SPAG16: variants seen among roughly 807,000 people sequenced by gnomAD.
SPAG16 encodes the protein sperm-associated antigen 16 protein.
SPAG16 carries 86 observed loss-of-function variants against 80.4 expected under a neutral mutation model. The observed-to-expected ratio is 1.07, with a 90% CI of 0.90 to 1.28. SPAG16 has a LOEUF of 1.28. Among genes scored for constraint, SPAG16 ranks in the 50% most tolerant of loss-of-function variants. The pLI, the probability that SPAG16 is intolerant of heterozygous loss-of-function variation, is 0.00. For missense variants in SPAG16, 870 were observed against 765.3 expected (o/e 1.14, Z -1.61); for synonymous variants, 294 against 265.9 (o/e 1.11, Z -1.03).
chr2:213,682,527 C>T (rs2064446782), intron 10 of SPAG16, among the ~76,000 whole-genome samples: 1 of 152,188 alleles, frequency 6.6e-6, no homozygotes, highest in Non-Finnish European at 1.5e-5. Context: ...CAATTTTGGT[C>T]AGGAGCATTC....
At chr2:214,171,977 CT>C (rs1439679395) in intron 15 of SPAG16, among the ~76,000 whole-genome samples, 1 of 151,818 alleles carries the variant, frequency 6.6e-6, no homozygotes, top group African/African-American at 2.4e-5. Flanking sequence ...TACGTAATTA[CT>C]TTTCTGAGAC....
chr2:213,632,361 G>GT lies in SPAG16; in HGVS notation c.1070+142275dup, dbSNP rs548220729. Among the ~76,000 whole-genome samples, 26 of 152,040 alleles carry GT rather than the reference G, an allele frequency of 1.7e-4. No homozygotes were observed. In the East Asian group the frequency reaches 3.7e-3, roughly 21 times the overall value. The stretch of plus-strand genomic sequence containing the variant: ...TTTACTGAATTTATCAGTTCTAATA[G>GT]TTTTCTTGTGGAATCTTTAGGTTTT... On this transcript the variant is annotated intron_variant, in intron 10 of 15. Transcript: ENST00000331683.
intron 10 of SPAG16, among the ~76,000 whole-genome samples, chr2:213,630,242 G>A (rs898429572): frequency 2.0e-5 from 3 of 152,106 alleles, no homozygotes; most frequent in Admixed American, 1.3e-4. Context: ...AAATTAGCTG[G>A]GCATGGTGGC....
rs1438576346 is a variant in SPAG16 at position 214,305,336 on chromosome 2, T to G, written c.1721-104804T>G. Reference sequence around the variant, plus strand: ...TCTGTAGGTTTTCTGTTATCTTTGTTGATAATTTTCTTTTGCTGTGCAGAA... The same window carrying G: ...TCTGTAGGTTTTCTGTTATCTTTGTGGATAATTTTCTTTTGCTGTGCAGAA... On this transcript the variant is annotated intron_variant, in intron 15 of 15. Transcript: ENST00000331683. Among the ~76,000 whole-genome samples the G allele has an allele frequency of 2.0e-5, 3 of 152,170 alleles. No individual in the cohort carries two copies. In the East Asian group the frequency reaches 5.8e-4, roughly 29 times the overall value.
At chr2:213,508,583 G>GA (rs61040316) in intron 10 of SPAG16, among the ~76,000 whole-genome samples, 293 of 145,194 alleles carry the variant, frequency 2.0e-3, no homozygotes, top group Middle Eastern at 0.014. Context: ...CGTCTCAAAA[G>GA]AAAAAAAAAA....
intron 15 of SPAG16, among the ~76,000 whole-genome samples, chr2:214,265,849 T>C (rs1050653697): frequency 1.1e-4 from 16 of 151,990 alleles, no homozygotes; most frequent in African/African-American, 3.9e-4. Context: ...AAGGGGCCTT[T>C]CCTAATCATC....
At chr2:213,535,366 G>T (rs769291404) in intron 10 of SPAG16, among the ~76,000 whole-genome samples, 1 of 151,996 alleles carries the variant, frequency 6.6e-6, no homozygotes, top group Non-Finnish European at 1.5e-5. Context: ...GAAAGCTTAA[G>T]CAAGTGTAGT....
intron 12 of SPAG16, among the ~76,000 whole-genome samples, chr2:213,972,829 T>A (rs1391986806): frequency 6.6e-6 from 1 of 152,198 alleles, no homozygotes; most frequent in Non-Finnish European, 1.5e-5. Context: ...CTTTTTCCCT[T>A]ATCAGGTATA....
chr2:214,103,771 TC>T (rs1451688336), intron 13 of SPAG16, among the ~76,000 whole-genome samples: 1 of 152,126 alleles, frequency 6.6e-6, no homozygotes, highest in African/African-American at 2.4e-5. Context: ...CTGTTTATTT[TC>T]TATTCCTCAA....
intron 9 of SPAG16, among the ~76,000 whole-genome samples, chr2:213,462,203 T>C (rs2072412150): frequency 6.6e-6 from 1 of 152,176 alleles, no homozygotes; most frequent in South Asian, 2.1e-4. Flanking sequence ...GCTTGACTTT[T>C]GGAGTGAAAA....
At chr2:213,318,836 T>G (rs2063507946) in intron 5 of SPAG16, among the ~76,000 whole-genome samples, 1 of 151,914 alleles carries the variant, frequency 6.6e-6, no homozygotes, top group African/African-American at 2.4e-5. Flanking sequence ...AGTACATTAT[T>G]AATATATTTT....
At chr2:213,400,250 G>A (rs2068242154) in intron 9 of SPAG16, among the ~76,000 whole-genome samples, 2 of 151,880 alleles carry the variant, frequency 1.3e-5, no homozygotes, top group Non-Finnish European at 2.9e-5. Flanking sequence ...ACTCATTAAT[G>A]GTTGGCTTTT....
chr2:213,911,382 C>A (rs2077658110), intron 11 of SPAG16, among the ~76,000 whole-genome samples: 1 of 152,082 alleles, frequency 6.6e-6, no homozygotes, highest in African/African-American at 2.4e-5. Context: ...TGAGCTCAAG[C>A]AATCTCCCTG....
chr2:213,753,143 G>C (rs1052741123), intron 10 of SPAG16, among the ~76,000 whole-genome samples: 1 of 152,210 alleles, frequency 6.6e-6, no homozygotes, highest in Admixed American at 6.5e-5. Flanking sequence ...CTCCCGAGTA[G>C]CTGGGACTAC....
chr2:213,747,584 C>A (rs1291419343), intron 10 of SPAG16, among the ~76,000 whole-genome samples: 1 of 152,132 alleles, frequency 6.6e-6, no homozygotes, highest in East Asian at 1.9e-4. Flanking sequence ...TTCAGATACA[C>A]AAATAGTTAC....
intron 10 of SPAG16, among the ~76,000 whole-genome samples, chr2:213,767,297 C>T (rs1227155782): frequency 6.6e-6 from 1 of 152,106 alleles, no homozygotes; most frequent in African/African-American, 2.4e-5. Context: ...CCATACCACG[C>T]AGTAGGGTAT....
intron 10 of SPAG16, among the ~76,000 whole-genome samples, chr2:213,596,447 C>T (rs746999289): frequency 4.6e-5 from 7 of 151,960 alleles, no homozygotes; most frequent in Non-Finnish European, 1.0e-4. Flanking sequence ...TATTTCAAAC[C>T]ATACTCACTT....
intron 10 of SPAG16, among the ~76,000 whole-genome samples, chr2:213,636,597 G>A (rs2062373968): frequency 1.3e-5 from 2 of 152,208 alleles, no homozygotes; most frequent in Admixed American, 6.5e-5. Flanking sequence ...CATGGGATGT[G>A]TATCCATTTG....
chr2:213,817,312 A>G (rs1483229330), intron 10 of SPAG16, among the ~76,000 whole-genome samples: 1 of 149,788 alleles, frequency 6.7e-6, no homozygotes, highest in Non-Finnish European at 1.5e-5. Flanking sequence ...GTTAAAAAAC[A>G]GCAGATGCTG....
Sources: gnomAD v4.1 joint callset for allele counts (sites outside exome capture counted in the v4.1 genomes callset) on GRCh38, gnomAD v4.1.1 for gene constraint, MANE v1.5 for transcripts, NCBI Gene and HGNC (gene_info 2026-07-23, HGNC 2026-07-21) for gene names.